The following NCOA7 variants were observed in gnomAD, a reference collection of about 807,000 sequenced individuals.
The protein encoded by NCOA7 is 140 kDa estrogen receptor-associated protein.
Under a neutral mutation model 104.3 loss-of-function variants are expected in NCOA7, and 45 were observed. That is an observed-to-expected ratio of 0.43 (90% CI 0.34 to 0.55). The LOEUF (loss-of-function observed/expected upper bound fraction) is 0.55. Among genes scored for constraint, NCOA7 ranks in the 20% least tolerant of loss-of-function variants. NCOA7 has a pLI of 0.02. For synonymous variants in NCOA7, 398 were observed against 402.3 expected (o/e 0.99, Z 0.13); for missense variants, 1,041 against 1,119.7 (o/e 0.93, Z 1.00).
chr6:125,797,820 G>C (rs1190579301), intron 1 of NCOA7: 1 of 152,156 alleles, frequency 6.6e-6, no homozygotes, highest in Non-Finnish European at 1.5e-5. Flanking sequence ...CTGCCTGTCT[G>C]TAGGGTCCCA....
intron 2 of NCOA7, among the ~76,000 whole-genome samples, chr6:125,846,271 A>T (rs1355366129): frequency 1.3e-5 from 2 of 152,126 alleles, no homozygotes; most frequent in Non-Finnish European, 2.9e-5. Context: ...CAGTGGAAGG[A>T]AAATGTAATC....
At chr6:125,840,885 T>TTTTTG (rs1780093941) in intron 2 of NCOA7, among the ~76,000 whole-genome samples, 2 of 28,510 alleles carry the variant, frequency 7.0e-5, no homozygotes, top group Admixed American at 8.6e-4. Context: ...TTTTTTTTTT[T>TTTTTG]TTTTTTTTTT....
At chr6:125,902,906 G>A (rs559109299) in intron 10 of NCOA7, among the ~76,000 whole-genome samples, 34 of 152,216 alleles carry the variant, frequency 2.2e-4, no homozygotes, top group Admixed American at 3.3e-4. Flanking sequence ...CCTACCTCAC[G>A]GGATTATAAT....
Position 125,928,242 on chromosome 6 carries a change from T to C in NCOA7, c.2688T>C (p.Gly896=). Residue 896 remains glycine, a synonymous_variant, in exon 15 of 16, where the codon GGT becomes GGC. Coordinates refer to ENST00000392477, the MANE Select transcript of NCOA7 (RefSeq NM_181782.5). ...ACATAAGTTCTTTAGAACTTGGTGG[T>C]GGAGGGTAAGGTTTTTTTTGTTTTT... is the stretch of plus-strand genomic sequence containing the variant. ...NGDISSLELG[G]GGGRFGLWLD... is the part of the protein sequence containing the mutation. 1 of 1,609,880 alleles carries C rather than the reference T, an allele frequency of 6.2e-7. No homozygotes were observed. The highest frequency in any genetic ancestry group is 2.2e-5 in the East Asian group (1 of 44,864).
At chr6:125,854,310 G>A (rs1465921779) in intron 2 of NCOA7, among the ~76,000 whole-genome samples, 3 of 152,152 alleles carry the variant, frequency 2.0e-5, no homozygotes. Context: ...TGAGGTATTG[G>A]CTTTCAGTGA....
chr6:125,795,694 G>C (rs1283159690), intron 1 of NCOA7, among the ~76,000 whole-genome samples: 2 of 152,068 alleles, frequency 1.3e-5, no homozygotes, highest in Non-Finnish European at 2.9e-5. Flanking sequence ...TTCAGACCCT[G>C]TAAAACATTT....
intron 2 of NCOA7, among the ~76,000 whole-genome samples, chr6:125,819,106 A>G (rs1382287727): frequency 6.6e-6 from 1 of 152,110 alleles, no homozygotes; most frequent in Non-Finnish European, 1.5e-5. Context: ...AGGAAAAACT[A>G]GGAACACCTA....
intron 1 of NCOA7, among the ~76,000 whole-genome samples, chr6:125,781,872 T>G (rs1175239326): frequency 6.6e-6 from 1 of 152,208 alleles, no homozygotes; most frequent in Non-Finnish European, 1.5e-5. Context: ...CCTCCAACTT[T>G]TTGGTTTCGA....
At chr6:125,829,123 T>G (rs1778915746) in intron 2 of NCOA7, among the ~76,000 whole-genome samples, 1 of 152,016 alleles carries the variant, frequency 6.6e-6, no homozygotes, top group Non-Finnish European at 1.5e-5. Flanking sequence ...ATTTAAAATT[T>G]TAATCTCTAA....
chr6:125,904,296 G>T (rs1481368601), intron 10 of NCOA7, among the ~76,000 whole-genome samples: 1 of 152,108 alleles, frequency 6.6e-6, no homozygotes, highest in Non-Finnish European at 1.5e-5. Context: ...ATGCCCCTCA[G>T]CTGTTGTGTT....
At chr6:125,873,045 T>C (rs992330696) in intron 3 of NCOA7, among the ~76,000 whole-genome samples, 1 of 152,244 alleles carries the variant, frequency 6.6e-6, no homozygotes, top group Non-Finnish European at 1.5e-5. Flanking sequence ...AAAAGTCAGA[T>C]AAATCCTATG....
At chr6:125,882,372 T>C in intron 6 of NCOA7, 54 bp from the exon 7 acceptor site, 1 of 1,586,808 alleles carries the variant, frequency 6.3e-7, no homozygotes, top group Non-Finnish European at 8.6e-7. Flanking sequence ...TTTATACACA[T>C]AATTTGTTTG....
intron 13 of NCOA7, among the ~76,000 whole-genome samples, chr6:125,923,109 A>G (rs1265837596): frequency 2.0e-5 from 3 of 152,184 alleles, no homozygotes; most frequent in African/African-American, 7.2e-5. Context: ...GCTTTTTTCT[A>G]TCACCATGAA....
intron 11 of NCOA7, chr6:125,919,260 T>C (rs745876574): frequency 6.2e-7 from 1 of 1,610,538 alleles, no homozygotes; most frequent in South Asian, 1.1e-5. Flanking sequence ...AAAACAGTTG[T>C]AGCTCAGCGT....
chr6:125,787,866 C>T (rs1486855109), upstream of NCOA7, among the ~76,000 whole-genome samples: 3 of 152,194 alleles, frequency 2.0e-5, 1 homozygote, highest in South Asian at 4.1e-4. Flanking sequence ...TTAAGAACCA[C>T]TTGGGATTAT....
At chr6:125,791,715 G>A (rs1047105866) in intron 1 of NCOA7, among the ~76,000 whole-genome samples, 2 of 152,120 alleles carry the variant, frequency 1.3e-5, no homozygotes, top group African/African-American at 2.4e-5. Context: ...TTTAAGAGTG[G>A]CAACTTTGAT....
chr6:125,866,588 C>T (rs1782460662), intron 3 of NCOA7, among the ~76,000 whole-genome samples: 1 of 152,166 alleles, frequency 6.6e-6, no homozygotes, highest in Non-Finnish European at 1.5e-5. Flanking sequence ...CACTGGGAGA[C>T]TGTCTTTAAG....
At chr6:125,823,159 G>T (rs917391447) in intron 2 of NCOA7, among the ~76,000 whole-genome samples, 1 of 152,022 alleles carries the variant, frequency 6.6e-6, no homozygotes, top group Non-Finnish European at 1.5e-5. Flanking sequence ...TTGTTTATTG[G>T]TTTTACAGTC....
intron 1 of NCOA7, among the ~76,000 whole-genome samples, chr6:125,793,454 A>T (rs928381902): frequency 6.6e-6 from 1 of 152,194 alleles, no homozygotes; most frequent in African/African-American, 2.4e-5. Flanking sequence ...TAAAAGCTCT[A>T]ATCTCAGATT....
Sources: gnomAD v4.1 joint callset for allele counts (sites outside exome capture counted in the v4.1 genomes callset) on GRCh38, gnomAD v4.1.1 for gene constraint, MANE v1.5 for transcripts, NCBI Gene and HGNC (gene_info 2026-07-23, HGNC 2026-07-21) for gene names.